Variants in CCSER1 observed in about 807,000 individuals in gnomAD.
The protein encoded by CCSER1 is serine-rich coiled-coil domain-containing protein 1.
Under a neutral mutation model 82.0 loss-of-function variants are expected in CCSER1, and 41 were observed. The observed-to-expected ratio is 0.50, with a 90% CI of 0.39 to 0.65. CCSER1 has a LOEUF of 0.65. CCSER1 is among the 30% of genes least tolerant of loss of function. The probability of loss-of-function intolerance (pLI) is 0.00; values close to 1 mark genes in which losing one functional copy is unlikely to be tolerated. For missense variants in CCSER1, 1,119 were observed against 1,064.2 expected (o/e 1.05, Z -0.72); for synonymous variants, 414 against 383.9 (o/e 1.08, Z -0.92).
intron 7 of CCSER1, among the ~76,000 whole-genome samples, chr4:90,787,851 ATGTGGT>A (rs1163036393): frequency 1.3e-5 from 2 of 152,164 alleles, no homozygotes; most frequent in Non-Finnish European, 1.5e-5. Flanking sequence ...CGCTTCCTAA[ATGTGGT>A]TGGTGGCTGC....
At chr4:90,488,000 T>C (rs1296761854) in intron 5 of CCSER1, among the ~76,000 whole-genome samples, 1 of 152,144 alleles carries the variant, frequency 6.6e-6, no homozygotes, top group African/African-American at 2.4e-5. Context: ...TGTCTTCTTA[T>C]AAGGATTGCC....
chr4:91,046,800 C>A (rs1012925077), intron 9 of CCSER1, among the ~76,000 whole-genome samples: 10 of 151,980 alleles, frequency 6.6e-5, no homozygotes, highest in Non-Finnish European at 1.3e-4. Flanking sequence ...TCACTACAAC[C>A]CGCACCTCCC....
intron 9 of CCSER1, among the ~76,000 whole-genome samples, chr4:90,942,822 G>T (rs1278109744): frequency 6.7e-6 from 1 of 149,806 alleles, no homozygotes; most frequent in Non-Finnish European, 1.5e-5. Context: ...TTCCCTCTAA[G>T]ATATAGTTTA....
In CCSER1 at chr4:90,697,693, T is replaced by C. The variant is rs145258530; in HGVS notation, c.1933-26221T>C. Among the ~76,000 whole-genome samples the C allele has an allele frequency of 2.5e-3, 382 of 152,260 alleles. 4 individuals carry two copies. The highest frequency in any genetic ancestry group is 0.017 in the Middle Eastern group (5 of 294). On this transcript the variant is annotated intron_variant, in intron 6 of 10. Transcript: ENST00000509176. The stretch of plus-strand genomic sequence containing the variant: ...TTTAACATAATGATTCTGAATCCTA[T>C]TGGCAAATAGTGACCTGAGATACTT...
At chr4:90,863,089 C>T (rs2149995330) in intron 8 of CCSER1, among the ~76,000 whole-genome samples, 1 of 151,174 alleles carries the variant, frequency 6.6e-6, no homozygotes, top group African/African-American at 2.4e-5. Context: ...TCCCTCCCCG[C>T]TCCCCCCACC....
chr4:91,067,158 C>T (rs1030742233), intron 9 of CCSER1, among the ~76,000 whole-genome samples: 2 of 147,670 alleles, frequency 1.4e-5, no homozygotes, highest in Admixed American at 1.4e-4. Context: ...AGCCAGACAA[C>T]GTCTCAAAAA....
chr4:90,483,638 G>A (rs1766468144), intron 5 of CCSER1, among the ~76,000 whole-genome samples: 1 of 152,130 alleles, frequency 6.6e-6, no homozygotes, highest in Admixed American at 6.5e-5. Flanking sequence ...ATGAAGCTTA[G>A]TTTGGCTGGA....
In CCSER1 at chr4:91,400,836, A is replaced by G. The variant is rs1009094283; in HGVS notation, c.2218-197736A>G. Among the ~76,000 whole-genome samples, 6 of 151,910 alleles carry G rather than the reference A, an allele frequency of 3.9e-5. No homozygotes were observed. The East Asian group carries it at 7.7e-4, about 20-fold the overall frequency. On this transcript the variant is annotated intron_variant, in intron 10 of 10. Transcript: ENST00000509176. ...ATTAAGTCTATGGTTGTACCATTTT[A>G]TCCCCCTGAATTGGTCTTTTGGCTT...
chr4:90,945,770 C>G (rs1732161755), intron 9 of CCSER1, among the ~76,000 whole-genome samples: 1 of 152,206 alleles, frequency 6.6e-6, no homozygotes, highest in Non-Finnish European at 1.5e-5. Context: ...CTTCTCCAGG[C>G]ATCATTGAAC....
intron 3 of CCSER1, among the ~76,000 whole-genome samples, chr4:90,358,261 G>A (rs1201121810): frequency 1.2e-5 from 1 of 82,894 alleles, no homozygotes; most frequent in Non-Finnish European, 2.1e-5. Context: ...GAGTGTTAAT[G>A]ATTCAGATTT....
chr4:90,744,706 G>C (rs1317400418), intron 7 of CCSER1, among the ~76,000 whole-genome samples: 2 of 152,164 alleles, frequency 1.3e-5, no homozygotes, highest in African/African-American at 4.8e-5. Flanking sequence ...AGTCAGATCA[G>C]TGGAGACATT....
intron 1 of CCSER1, among the ~76,000 whole-genome samples, chr4:90,143,208 C>T (rs551783434): frequency 7.2e-5 from 11 of 152,036 alleles, no homozygotes; most frequent in Admixed American, 2.6e-4. Flanking sequence ...TGTTTTTGTT[C>T]TTCCCTCTGC....
chr4:91,588,428 C>A (rs1764113520), intron 10 of CCSER1, among the ~76,000 whole-genome samples: 1 of 151,478 alleles, frequency 6.6e-6, no homozygotes, highest in Admixed American at 6.6e-5. Flanking sequence ...TTTTGAAATT[C>A]TATGCTTCTT....
intron 6 of CCSER1, among the ~76,000 whole-genome samples, chr4:90,654,445 A>AT (rs1444502554): frequency 6.6e-6 from 1 of 151,816 alleles, no homozygotes; most frequent in African/African-American, 2.4e-5. Context: ...TATAGTTTTA[A>AT]TTTTTTCTTA....
chr4:91,213,550 T>C (rs986130654), intron 10 of CCSER1, among the ~76,000 whole-genome samples: 7 of 151,130 alleles, frequency 4.6e-5, no homozygotes, highest in Non-Finnish European at 1.5e-5. Flanking sequence ...CTCTGTAAAG[T>C]AGACATTGCA....
chr4:90,326,343 A>C (rs1380068403), intron 3 of CCSER1, among the ~76,000 whole-genome samples: 2 of 152,106 alleles, frequency 1.3e-5, no homozygotes, highest in Non-Finnish European at 2.9e-5. Context: ...TACAGGCGTG[A>C]GCCACCGTGC....
At chr4:90,972,701 A>G (rs1735228740) in intron 9 of CCSER1, among the ~76,000 whole-genome samples, 3 of 151,766 alleles carry the variant, frequency 2.0e-5, no homozygotes, top group African/African-American at 7.3e-5. Context: ...GGTACAGAAT[A>G]CCCAAAGCAA....
rs182621227 is a variant in CCSER1, at chr4:90,540,184, C to A, written c.1724+71830C>A. On this transcript the variant is annotated intron_variant, in intron 5 of 10. Coordinates refer to ENST00000509176, the MANE Select transcript of CCSER1 (RefSeq NM_001145065.2). ...TTTTTGAAAAGTGAAATATTCAATGCAAACTATTAGGGAGATTCAACTTAA... is the reference window on the plus strand; with the variant it reads ...TTTTTGAAAAGTGAAATATTCAATGAAAACTATTAGGGAGATTCAACTTAA... Among the ~76,000 whole-genome samples, 4 of 152,004 alleles carry A rather than the reference C, an allele frequency of 2.6e-5. No individual in the cohort carries two copies. The East Asian group carries it at 7.7e-4, about 29-fold the overall frequency.
intron 7 of CCSER1, among the ~76,000 whole-genome samples, chr4:90,726,858 A>G (rs1338814990): frequency 6.6e-6 from 1 of 152,134 alleles, no homozygotes; most frequent in Non-Finnish European, 1.5e-5. Flanking sequence ...GAACTACTTG[A>G]TAAGAGATGA....
Sources: allele counts gnomAD v4.1 joint callset (sites outside exome capture counted in the v4.1 genomes callset), GRCh38; gene constraint gnomAD v4.1.1; transcripts MANE v1.5; gene names NCBI Gene and HGNC (gene_info 2026-07-23, HGNC 2026-07-21).